Variants in RASAL2 observed in about 807,000 individuals in gnomAD.
RASAL2 encodes ras GTPase-activating protein nGAP.
RASAL2 carries 58 observed loss-of-function variants against 128.9 expected under a neutral mutation model. The ratio of observed to expected loss-of-function variants is 0.45; its 90% CI spans 0.36 to 0.56. The LOEUF (loss-of-function observed/expected upper bound fraction) is 0.56. Among genes scored for constraint, RASAL2 ranks in the 20% least tolerant of loss-of-function variants. The probability of loss-of-function intolerance (pLI) is 0.00; values close to 1 mark genes in which losing one functional copy is unlikely to be tolerated. For missense variants in RASAL2, 1,360 were observed against 1,601.6 expected (o/e 0.85, Z 2.57); for synonymous variants, 561 against 580.8 (o/e 0.97, Z 0.49).
intron 1 of RASAL2, among the ~76,000 whole-genome samples, chr1:178,263,232 C>G (rs896566761): frequency 6.6e-6 from 1 of 151,962 alleles, no homozygotes; most frequent in Non-Finnish European, 1.5e-5. Flanking sequence ...ACAAATGAAC[C>G]CATTGTTTCA....
chr1:178,295,369 C>T (rs1233796650), intron 2 of RASAL2, among the ~76,000 whole-genome samples: 1 of 152,034 alleles, frequency 6.6e-6, no homozygotes, highest in Admixed American at 6.6e-5. Flanking sequence ...CCTCTCCTCA[C>T]CCCTCACCCC....
At chr1:178,402,536 T>G (rs998174788) in intron 4 of RASAL2, among the ~76,000 whole-genome samples, 4 of 152,198 alleles carry the variant, frequency 2.6e-5, no homozygotes, top group African/African-American at 9.7e-5. Context: ...CCTCTAGAAG[T>G]AATAAAATAA....
chr1:178,140,334 T>TG (rs774955458), intron 1 of RASAL2, among the ~76,000 whole-genome samples: 21 of 152,212 alleles, frequency 1.4e-4, no homozygotes, highest in Non-Finnish European at 2.6e-4. Flanking sequence ...CCAATATTGA[T>TG]GCGTTATCAG....
At chr1:178,112,023 C>T (rs1659342196) in intron 1 of RASAL2, among the ~76,000 whole-genome samples, 1 of 152,156 alleles carries the variant, frequency 6.6e-6, no homozygotes, top group Non-Finnish European at 1.5e-5. Context: ...GCTACCGCTC[C>T]TGGCCTCTTT....
intron 1 of RASAL2, among the ~76,000 whole-genome samples, chr1:178,245,405 C>G (rs1269899566): frequency 6.6e-6 from 1 of 152,210 alleles, no homozygotes; most frequent in Non-Finnish European, 1.5e-5. Flanking sequence ...ATATCCTTCA[C>G]CCACTTTTTG....
chr1:178,382,428 A>G (rs1195713502), intron 3 of RASAL2, among the ~76,000 whole-genome samples: 1 of 152,170 alleles, frequency 6.6e-6, no homozygotes, highest in African/African-American at 2.4e-5. Context: ...TCTTTAAAAT[A>G]TGAAGAAAAC....
intron 1 of RASAL2, among the ~76,000 whole-genome samples, chr1:178,230,803 G>A (rs559900254): frequency 6.6e-6 from 1 of 152,260 alleles, no homozygotes; most frequent in African/African-American, 2.4e-5. Flanking sequence ...CATGGACTTA[G>A]GGTTTTATAT....
intron 1 of RASAL2, among the ~76,000 whole-genome samples, chr1:178,111,917 CAG>C (rs1052739568): frequency 6.6e-6 from 1 of 152,044 alleles, no homozygotes; most frequent in African/African-American, 2.4e-5. Context: ...TTTGTAGAGA[CAG>C]AGTTTCACCA....
intron 3 of RASAL2, among the ~76,000 whole-genome samples, chr1:178,327,978 A>G (rs1669116955): frequency 6.6e-6 from 1 of 152,174 alleles, no homozygotes. Context: ...AGGAAGAGGC[A>G]AGCAGGTCTT....
chr1:178,112,985 T>A (rs1225953426), intron 1 of RASAL2, among the ~76,000 whole-genome samples: 1 of 152,218 alleles, frequency 6.6e-6, no homozygotes, highest in Non-Finnish European at 1.5e-5. Context: ...ATTTTTTTCA[T>A]TGAAAGTTTT....
In RASAL2 at chr1:178,475,318, TCTCCAAGCGGAGGGC is replaced by T. The variant is rs2102981635; in HGVS notation, c.*2080_*2094del. 2 of 152,326 alleles carry T rather than the reference TCTCCAAGCGGAGGGC, an allele frequency of 1.3e-5. No individual in the cohort carries two copies. The highest frequency in any genetic ancestry group is 4.1e-4 in the South Asian group (2 of 4,826). The allele number at this position is 152,326 out of a possible 1,614,324, so 9.4% of individuals were successfully genotyped here. ...TTGGTTTGCAAATTCTTACACCTTC[TCTCCAAGCGGAGGGC>T]ACACTGTGGTCAAAATCACTTATTT... On this transcript the variant is annotated 3_prime_UTR_variant, in exon 18 of 18. Transcript: ENST00000367649.
intron 1 of RASAL2, among the ~76,000 whole-genome samples, chr1:178,149,760 G>A (rs1266613748): frequency 1.3e-5 from 2 of 152,022 alleles, no homozygotes. Context: ...ATCAAATAAT[G>A]CAGTCTGAAT....
Position 178,438,879 on chromosome 1 carries a change from CTCTG to C in RASAL2, c.675-541_675-538del, listed in dbSNP as rs1161309249. 7.7e-5 allele frequency among the ~76,000 whole-genome samples: 6 copies of C among 78,170 alleles called. No individual in the cohort carries two copies. The Middle Eastern group carries it at 0.018, about 233-fold the overall frequency. 51.3% of individuals were successfully genotyped at this position (78,170 alleles called of 152,430 possible). On this transcript the variant is annotated intron_variant, in intron 5 of 17. Coordinates refer to ENST00000367649, the MANE Select transcript of RASAL2 (RefSeq NM_170692.4). ...CTTGTGATAAAAAGTTGAGCTTCGA[CTCTG>C]TGTGTGTGTGTGTGTGTGTGTGTGT...
chr1:178,306,881 G>C (rs1220982229), intron 3 of RASAL2, among the ~76,000 whole-genome samples: 1 of 119,428 alleles, frequency 8.4e-6, no homozygotes, highest in African/African-American at 3.1e-5. Flanking sequence ...GGGGGAGGGG[G>C]GAGGGATAGC....
At chr1:178,461,148 T>C (rs553620063) in intron 14 of RASAL2, among the ~76,000 whole-genome samples, 1 of 152,258 alleles carries the variant, frequency 6.6e-6, no homozygotes, top group South Asian at 2.1e-4. Context: ...CTTGCTTGCT[T>C]TGTTCATCTC....
At chr1:178,185,504 T>A (rs976474141) in intron 1 of RASAL2, among the ~76,000 whole-genome samples, 19 of 151,358 alleles carry the variant, frequency 1.3e-4, no homozygotes, top group African/African-American at 4.2e-4. Flanking sequence ...GAAGGTTTTT[T>A]AAATTTTTTT....
chr1:178,445,785 A>G (rs996974781), intron 9 of RASAL2, 123 bp downstream of exon 9: 141 of 1,027,678 alleles, frequency 1.4e-4, no homozygotes, highest in Non-Finnish European at 1.8e-4. Context: ...CTCAGGTGTT[A>G]AGGTTTGAAT....
intron 3 of RASAL2, among the ~76,000 whole-genome samples, chr1:178,305,366 A>G (rs1469405042): frequency 3.3e-5 from 5 of 152,162 alleles, no homozygotes; most frequent in Non-Finnish European, 7.3e-5. Context: ...AAGGAACAAA[A>G]CTAGAGGAAT....
Position 178,216,561 on chromosome 1 carries a change from A to C in RASAL2, c.203-67003A>C, listed in dbSNP as rs191637108. Among the ~76,000 whole-genome samples, 704 of 152,364 alleles carry C rather than the reference A, an allele frequency of 4.6e-3. 2 individuals carry two copies. Among genetic ancestry groups the C allele is most frequent in the Non-Finnish European group, 7.4e-3 (506 of 68,032 alleles). ...TAAAAATAACATTCCTTACCTACCC[A>C]GCCATCCATTGACTCTTATCTAATG... On this transcript the variant is annotated intron_variant, in intron 1 of 17. Coordinates refer to ENST00000367649, the MANE Select transcript of RASAL2 (RefSeq NM_170692.4).
Sources: allele counts gnomAD v4.1 joint callset (sites outside exome capture counted in the v4.1 genomes callset), GRCh38; gene constraint gnomAD v4.1.1; transcripts MANE v1.5; gene names NCBI Gene and HGNC (gene_info 2026-07-23, HGNC 2026-07-21).